PHLDB1: variants seen among roughly 807,000 people sequenced by gnomAD.
PHLDB1 encodes the protein pleckstrin homology like domain family B member 1, also known as pleckstrin homology-like domain family B member 1.
Under a neutral mutation model 139.3 loss-of-function variants are expected in PHLDB1, and 65 were observed. The observed-to-expected ratio is 0.47, with a 90% CI of 0.38 to 0.57. The LOEUF is 0.57. Ranked by LOEUF, PHLDB1 falls within the 20% of genes least tolerant of loss-of-function variation. The probability of loss-of-function intolerance (pLI) is 0.00; values close to 1 mark genes in which losing one functional copy is unlikely to be tolerated. For synonymous variants in PHLDB1, 679 were observed against 734.5 expected (o/e 0.92, Z 1.22); for missense variants, 1,624 against 1,839.7 (o/e 0.88, Z 2.14).
Position 118,635,486 on chromosome 11 carries a change from C to G in PHLDB1, c.2473C>G (p.Leu825Val), listed in dbSNP as rs782400809. 6 of 1,611,048 alleles carry G rather than the reference C, an allele frequency of 3.7e-6. No homozygotes were observed. The highest frequency in any genetic ancestry group is 2.2e-5 in the East Asian group (1 of 44,734). The change falls in exon 10 of 23, where the codon CTG becomes GTG. Residue 825 changes from leucine (L) to valine (V), a missense_variant. Leu to Val is a conservative substitution (Grantham distance 32). Coordinates refer to ENST00000600882, the MANE Select transcript of PHLDB1 (RefSeq NM_001144758.3). The stretch of plus-strand genomic sequence containing the variant: ...GAGCCGCGTGGAGGAGGAGCGCGAG[C>G]TGGCCGGCCAGGGGCTGCTCCGGAG... ...RESRVEEERE[L>V]AGQGLLRSKA... is the part of the protein sequence containing the mutation.
At chr11:118,618,236 G>T (rs1447246273) in intron 4 of PHLDB1, among the ~76,000 whole-genome samples, 1 of 152,056 alleles carries the variant, frequency 6.6e-6, no homozygotes, top group Non-Finnish European at 1.5e-5. Flanking sequence ...TCTTGTCTGG[G>T]CTCGCCTGTC....
chr11:118,645,315 C>G lies in PHLDB1; in HGVS notation c.3122-41C>G. On this transcript the variant is annotated intron_variant, in intron 15 of 22. Coordinates refer to ENST00000600882, the MANE Select transcript of PHLDB1 (RefSeq NM_001144758.3). This position sits in a 1 kb window ranked among gnomAD's most constrained non-coding sequence, Gnocchi z 5.1. ...CTGCCAGTGGCCTGCTCCTTAGCTGCGTGGGGAGCCCACTGTGACTCCCAT... is the reference window on the plus strand; with the variant it reads ...CTGCCAGTGGCCTGCTCCTTAGCTGGGTGGGGAGCCCACTGTGACTCCCAT... The G allele has an allele frequency of 6.8e-7, 1 of 1,462,362 alleles. No homozygotes were observed. Among genetic ancestry groups the G allele is most frequent in the South Asian group, 1.4e-5 (1 of 72,206 alleles). 90.6% of individuals were successfully genotyped at this position (1,462,362 alleles called of 1,614,324 possible).
At position 118,645,455 on chromosome 11, in the gene PHLDB1, C is replaced by T. The variant is rs782371334; in HGVS notation, c.3221C>T (p.Ala1074Val). ...QCQWDALHGA[A>V]PFPAGPSGFP... ...CAGTGGGATGCCCTTCACGGGGCAG[C>T]ACCCTTCCCAGCGGGCCCCTCGGGC... Residue 1074 changes from alanine to valine, a missense_variant, in exon 16 of 23, where the codon GCA becomes GTA. Ala to Val is a moderately conservative substitution (Grantham distance 64). Coordinates refer to ENST00000600882, the MANE Select transcript of PHLDB1 (RefSeq NM_001144758.3). The surrounding 1 kb of genome is among the most constrained non-coding windows in gnomAD (Gnocchi z 5.1). 27 of 1,606,784 alleles carry T rather than the reference C, an allele frequency of 1.7e-5. No individual in the cohort carries two copies. The highest frequency in any genetic ancestry group is 2.2e-5 in the Non-Finnish European group (26 of 1,176,380).
chr11:118,651,560 G>A (rs897666191), intron 20 of PHLDB1: 4 of 151,534 alleles, frequency 2.6e-5, no homozygotes, highest in Non-Finnish European at 5.9e-5. Context: ...AGGCCGAAGC[G>A]GGCAGATCAC....
chr11:118,645,155 G>A lies in PHLDB1; in HGVS notation c.3122-201G>A. On this transcript the variant is annotated intron_variant, in intron 15 of 22. Coordinates refer to ENST00000600882, the MANE Select transcript of PHLDB1 (RefSeq NM_001144758.3). This position sits in a 1 kb window ranked among gnomAD's most constrained non-coding sequence, Gnocchi z 5.1. ...CACTGAAGCCAGACTGTGCATCTGT[G>A]GCCGGTTGTGCAGGCGACTGAAGCA... is the stretch of plus-strand genomic sequence containing the variant. 2.0e-6 allele frequency: 1 copy of A among 506,932 alleles called. No individual in the cohort carries two copies. Among genetic ancestry groups the A allele is most frequent in the Non-Finnish European group, 3.4e-6 (1 of 290,936 alleles). 31.4% of individuals were successfully genotyped at this position (506,932 alleles called of 1,614,324 possible).
At position 118,611,902 on chromosome 11, in the gene PHLDB1, G is replaced by C. The variant is rs1032817918; in HGVS notation, c.-21-1914G>C. On this transcript the variant is annotated intron_variant, in intron 1 of 22. Coordinates refer to ENST00000600882, the MANE Select transcript of PHLDB1 (RefSeq NM_001144758.3). This position sits in a 1 kb window ranked among gnomAD's most constrained non-coding sequence, Gnocchi z 4.7. ...CAGAATGCCATTTAATATAATACCT[G>C]AATTTCAGACAGTCCTTTTTAAAAA... 4.6e-5 allele frequency among the ~76,000 whole-genome samples: 7 copies of C among 151,728 alleles called. No homozygotes were observed.
chr11:118,619,480 G>A (rs1169249923), intron 4 of PHLDB1, among the ~76,000 whole-genome samples: 1 of 152,138 alleles, frequency 6.6e-6, no homozygotes, highest in Non-Finnish European at 1.5e-5. Context: ...TTTCTGTTAT[G>A]AGACTGATAA....
intron 5 of PHLDB1, among the ~76,000 whole-genome samples, chr11:118,626,069 C>CA (rs1478861945): frequency 6.6e-6 from 1 of 152,144 alleles, no homozygotes; most frequent in Non-Finnish European, 1.5e-5. Context: ...ATGGCAAAAG[C>CA]AGGCTCTTGC....
intron 18 of PHLDB1, 121 bp from the exon 19 acceptor site, chr11:118,649,956 G>A (rs901347409): frequency 5.0e-5 from 37 of 747,114 alleles, no homozygotes; most frequent in Non-Finnish European, 7.0e-5. Context: ...CACAGTGACC[G>A]CCATGGGTTA....
chr11:118,643,916 C>G lies in PHLDB1; in HGVS notation c.2994C>G (p.Thr998=), dbSNP rs1565480445. The G allele has an allele frequency of 6.2e-7, 1 of 1,605,294 alleles. No individual in the cohort carries two copies. ...CCTCCTCCCAGCTCAGCGTGGCTAC[C>G]CTGGGGCGTAGCCCCTCCCCAAAGG... is the stretch of plus-strand genomic sequence containing the variant. The part of the protein sequence containing the change: ...SSSSSQLSVA[T]LGRSPSPKSA... The change falls in exon 14 of 23, where the codon ACC becomes ACG. Residue 998 remains threonine (T), a synonymous_variant. Coordinates refer to ENST00000600882, the MANE Select transcript of PHLDB1 (RefSeq NM_001144758.3).
intron 1 of PHLDB1, among the ~76,000 whole-genome samples, chr11:118,609,717 T>A (rs1939799004): frequency 6.6e-6 from 1 of 152,196 alleles, no homozygotes; most frequent in African/African-American, 2.4e-5. Flanking sequence ...AAAGGCCGCT[T>A]GTCAGGGGCG....
rs1312360224 is a variant in PHLDB1 at position 118,653,444 on chromosome 11, G to A, written c.3875-2161G>A. ...CATTATCCAGCATCTGTTTTTCCAT[G>A]TGACATCAATCCAGGAGTGTAATGA... is the stretch of plus-strand genomic sequence containing the variant. On this transcript the variant is annotated intron_variant, in intron 20 of 22. Transcript: ENST00000600882. The A allele has an allele frequency of 2.0e-5, 3 of 152,100 alleles. No homozygotes were observed. In the East Asian group the frequency reaches 5.8e-4, roughly 29 times the overall value. The allele number at this position is 152,100 out of a possible 1,614,324, so 9.4% of individuals were successfully genotyped here.
chr11:118,617,569 G>A (rs532241058), intron 4 of PHLDB1, among the ~76,000 whole-genome samples: 3 of 151,844 alleles, frequency 2.0e-5, no homozygotes, highest in Admixed American at 6.6e-5. Flanking sequence ...AGGCTCAAGC[G>A]ATTCTCCTGC....
rs1946556941 is a variant in PHLDB1, at chr11:118,641,755, T to G, written c.2737-499T>G. On this transcript the variant is annotated intron_variant, in intron 12 of 22. Transcript: ENST00000600882. ...CCTTCCTCCCATGCTGCCCTCCTCC[T>G]CGTTCGCTTCCATCACGCCTTCACC... The G allele has an allele frequency of 2.3e-6, 3 of 1,289,808 alleles. No individual in the cohort carries two copies. In the South Asian group the frequency reaches 3.7e-5, roughly 16 times the overall value. 79.9% of individuals were successfully genotyped at this position (1,289,808 alleles called of 1,614,324 possible).
At chr11:118,633,405 T>C (rs1403798091) in intron 9 of PHLDB1, 1 of 152,264 alleles carries the variant, frequency 6.6e-6, no homozygotes, top group Non-Finnish European at 1.5e-5. Flanking sequence ...ATGCCTAGGC[T>C]GCTGTCTTAG....
intron 20 of PHLDB1, chr11:118,652,166 C>T (rs1441619563): frequency 1.3e-5 from 2 of 151,854 alleles, no homozygotes; most frequent in African/African-American, 2.4e-5. Flanking sequence ...CTGGAGTGCC[C>T]ACTTCCCCCC....
intron 6 of PHLDB1, among the ~76,000 whole-genome samples, chr11:118,630,881 T>C (rs1555109313): frequency 6.6e-6 from 1 of 151,686 alleles, no homozygotes; most frequent in Non-Finnish European, 1.5e-5. Context: ...GTCCATTTGG[T>C]GTGTTCCTGT....
At position 118,608,149 on chromosome 11, in the gene PHLDB1, G is replaced by C. The variant is rs938706286; in HGVS notation, c.-22+450G>C. Among the ~76,000 whole-genome samples, 1 of 152,024 alleles carries C rather than the reference G, an allele frequency of 6.6e-6. No individual in the cohort carries two copies. The highest frequency in any genetic ancestry group is 1.5e-5 in the Non-Finnish European group (1 of 67,970). ...TTGGGGCGGGGGTATCTCCTGTGAC[G>C]TCTCCCCGCCTGTCCCCAGGCCGGC... On this transcript the variant is annotated intron_variant, in intron 1 of 22. Transcript: ENST00000600882. This position sits in a 1 kb window ranked among gnomAD's most constrained non-coding sequence, Gnocchi z 6.7.
At chr11:118,614,752 C>A (rs1255106536) in intron 3 of PHLDB1, 70 bp downstream of exon 3, 24 of 1,514,858 alleles carry the variant, frequency 1.6e-5, no homozygotes, top group Non-Finnish European at 2.1e-5. Flanking sequence ...TGGAGGCCCA[C>A]CTCCTGCATG....
Sources: allele counts gnomAD v4.1 joint callset (sites outside exome capture counted in the v4.1 genomes callset), GRCh38; gene constraint gnomAD v4.1.1; non-coding constraint Gnocchi (gnomAD v3.1); transcripts MANE v1.5; gene names NCBI Gene and HGNC (gene_info 2026-07-23, HGNC 2026-07-21).